PROKR1: variants seen among roughly 807,000 people sequenced by gnomAD.
The protein encoded by PROKR1 is G protein-coupled receptor 73.
Under a neutral mutation model 22.8 loss-of-function variants are expected in PROKR1, and 21 were observed. The ratio of observed to expected loss-of-function variants is 0.92; its 90% CI spans 0.65 to 1.32. PROKR1 has a LOEUF of 1.32. PROKR1 is among the 40% of genes most tolerant of loss of function. The probability of loss-of-function intolerance (pLI) is 0.00; values close to 1 mark genes in which losing one functional copy is unlikely to be tolerated. For synonymous variants in PROKR1, 193 were observed against 207.5 expected (o/e 0.93, Z 0.60); for missense variants, 548 against 514.2 (o/e 1.07, Z -0.64).
Position 68,645,968 on chromosome 2 carries a change from T to C in PROKR1, c.147T>C (p.Asp49=), listed in dbSNP as rs141297732. The C allele has an allele frequency of 3.5e-5, 57 of 1,614,118 alleles. No individual in the cohort carries two copies. In the African/African-American group the frequency reaches 6.0e-4, roughly 17 times the overall value. The change falls in exon 2 of 3, where the codon GAT becomes GAC. Residue 49 remains aspartate, a synonymous_variant. Coordinates refer to ENST00000303786, the MANE Select transcript of PROKR1 (RefSeq NM_138964.4). ...YSDYDMPLDE[D]EDVTNSRTFF... is the part of the protein sequence containing the mutation. ...ACTATGATATGCCTTTGGATGAAGA[T>C]GAGGATGTGACCAATTCCAGGACGT...
intron 2 of PROKR1, among the ~76,000 whole-genome samples, chr2:68,653,145 C>T (rs564237123): frequency 3.9e-5 from 6 of 152,284 alleles, no homozygotes; most frequent in African/African-American, 9.6e-5. Flanking sequence ...TCAGGAGCAC[C>T]GCGATCTTAA....
Position 68,655,373 on chromosome 2 carries a change from G to A in PROKR1, c.979G>A (p.Val327Ile), listed in dbSNP as rs754117272. The A allele has an allele frequency of 1.2e-6, 2 of 1,614,142 alleles. No individual in the cohort carries two copies. Among genetic ancestry groups the A allele is most frequent in the Middle Eastern group, 1.7e-4 (1 of 6,060 alleles). The change falls in exon 3 of 3, where the codon GTC becomes ATC. Residue 327 changes from valine to isoleucine, a missense_variant. Coordinates refer to ENST00000303786, the MANE Select transcript of PROKR1 (RefSeq NM_138964.4). ...GCACTACCTCACTGCCTTCTACATC[G>A]TCGAGTGCATCGCCATGAGCAACAG... is the stretch of plus-strand genomic sequence containing the variant. ...EKHYLTAFYI[V>I]ECIAMSNSMI...
rs573665422 is a variant in PROKR1, at chr2:68,656,985, A to C, written c.*1409A>C. ...TCAGTGACCCCATAGGTTGTTGAAG[A>C]CTCATCCCACTTTCTAACCTGCCTC... On this transcript the variant is annotated 3_prime_UTR_variant, in exon 3 of 3. Coordinates refer to ENST00000303786, the MANE Select transcript of PROKR1 (RefSeq NM_138964.4). The C allele has an allele frequency of 1.3e-5, 2 of 152,234 alleles. No individual in the cohort carries two copies. Among genetic ancestry groups the C allele is most frequent in the East Asian group, 1.9e-4 (1 of 5,176 alleles). The allele number at this position is 152,234 out of a possible 1,614,324, so 9.4% of individuals were successfully genotyped here. A position where few individuals can be genotyped will look rare whatever the true frequency, so the allele number is the denominator to read the frequency against.
At chr2:68,650,865 A>G (rs1416370034) in intron 2 of PROKR1, among the ~76,000 whole-genome samples, 2 of 152,184 alleles carry the variant, frequency 1.3e-5, no homozygotes, top group African/African-American at 4.8e-5. Flanking sequence ...AGATCAACAA[A>G]GGAGAGGAAA....
rs187537513 is a variant in PROKR1, at chr2:68,647,667, C to T, written c.485+1361C>T. Among the ~76,000 whole-genome samples the T allele has an allele frequency of 4.0e-3, 605 of 149,524 alleles. 1 individual carries two copies. Among genetic ancestry groups the T allele is most frequent in the Admixed American group, 6.7e-3 (103 of 15,284 alleles). On this transcript the variant is annotated intron_variant, in intron 2 of 2. Coordinates refer to ENST00000303786, the MANE Select transcript of PROKR1 (RefSeq NM_138964.4). ...CAAGGAACCTCTGTCTATAAAACCGCTGAGGGGTGGAAACTCTGCCTCCCT... is the reference window on the plus strand; with the variant it reads ...CAAGGAACCTCTGTCTATAAAACCGTTGAGGGGTGGAAACTCTGCCTCCCT...
Position 68,655,078 on chromosome 2 carries a change from C to T in PROKR1, c.684C>T (p.Tyr228=). Residue 228 remains tyrosine, a synonymous_variant, in exon 3 of 3, where the codon TAC becomes TAT. Coordinates refer to ENST00000303786, the MANE Select transcript of PROKR1 (RefSeq NM_138964.4). ...TCTGGCCTGTGGACCAGCAGCTCTA[C>T]TACAAGTCCTACTTCCTCTTTATCT... ...GQIWPVDQQL[Y]YKSYFLFIFG... is the part of the protein sequence containing the mutation. The T allele has an allele frequency of 6.2e-7, 1 of 1,614,104 alleles. No homozygotes were observed.
Position 68,657,650 on chromosome 2 carries a change from G to C in PROKR1, c.*2074G>C, listed in dbSNP as rs1207159170. On this transcript the variant is annotated 3_prime_UTR_variant, in exon 3 of 3. Coordinates refer to ENST00000303786, the MANE Select transcript of PROKR1 (RefSeq NM_138964.4). ...AGTGTGTAGGCTACAGCGTGGACTT[G>C]TCTTTTTCTTATTTAACTCTAGAGC... is the stretch of plus-strand genomic sequence containing the variant. The C allele has an allele frequency of 6.6e-6, 1 of 151,356 alleles. No homozygotes were observed. Among genetic ancestry groups the C allele is most frequent in the Non-Finnish European group, 1.5e-5 (1 of 67,964 alleles). The allele number at this position is 151,356 out of a possible 1,614,324, so 9.4% of individuals were successfully genotyped here.
At chr2:68,654,302 C>T (rs1206945457) in intron 2 of PROKR1, among the ~76,000 whole-genome samples, 1 of 152,170 alleles carries the variant, frequency 6.6e-6, no homozygotes, top group Non-Finnish European at 1.5e-5. Context: ...TAATTGTTAT[C>T]ATTTTGAGTA....
chr2:68,647,106 G>A (rs1673203339), intron 2 of PROKR1, among the ~76,000 whole-genome samples: 1 of 151,372 alleles, frequency 6.6e-6, no homozygotes, highest in Admixed American at 6.6e-5. Context: ...TGAAAAAAAA[G>A]GGAACATATG....
chr2:68,644,860 TATGTG>T (rs1316604322), intron 1 of PROKR1, among the ~76,000 whole-genome samples: 1 of 151,986 alleles, frequency 6.6e-6, no homozygotes, highest in African/African-American at 2.4e-5. Context: ...CCAGCCCCAT[TATGTG>T]GTGTGGTGGA....
chr2:68,655,124 C>G lies in PROKR1; in HGVS notation c.730C>G (p.Pro244Ala). Residue 244 changes from proline (P) to alanine (A), a missense_variant, in exon 3 of 3, where the codon CCC becomes GCC. Pro to Ala is a conservative substitution (Grantham distance 27). Transcript: ENST00000303786. The stretch of plus-strand genomic sequence containing the variant: ...TATCTTTGGCATAGAATTCGTGGGC[C>G]CCGTGGTCACCATGACCCTGTGCTA... The part of the protein sequence containing the change: ...LFIFGIEFVG[P>A]VVTMTLCYAR... 6.2e-7 allele frequency: 1 copy of G among 1,614,186 alleles called. No homozygotes were observed. Among genetic ancestry groups the G allele is most frequent in the South Asian group, 1.1e-5 (1 of 91,086 alleles).
chr2:68,652,084 G>A (rs774505144), intron 2 of PROKR1, among the ~76,000 whole-genome samples: 3 of 152,168 alleles, frequency 2.0e-5, no homozygotes, highest in African/African-American at 4.8e-5. Context: ...GGGGTAAATA[G>A]CATTCAGAGA....
chr2:68,654,822 A>AC, intron 2 of PROKR1, 58 bp from the exon 3 acceptor site: 1 of 1,479,496 alleles, frequency 6.8e-7, no homozygotes, highest in East Asian at 2.3e-5. Context: ...AAAAAAAAAA[A>AC]AGATTATCCA....
In PROKR1 at chr2:68,655,283, TG is replaced by T; in HGVS notation, c.892del (p.Ala298ArgfsTer18). Reference protein sequence around the residue: ...MCILTAYVLCWAPFYGFTIVR... With the variant: ...MCILTAYVLCXAPFYGFTIVR... ...CATCCTCACCGCCTACGTGCTATGC[TG>T]GGCGCCCTTCTACGGCTTCACCATC... On this transcript the variant is annotated frameshift_variant, in exon 3 of 3. Transcript: ENST00000303786. LOFTEE classifies it high-confidence loss of function. 2 of 1,614,280 alleles carry T rather than the reference TG, an allele frequency of 1.2e-6. No homozygotes were observed. The highest frequency in any genetic ancestry group is 1.7e-6 in the Non-Finnish European group (2 of 1,180,054).
At position 68,656,889 on chromosome 2, in the gene PROKR1, C is replaced by A. The variant is rs1028641516; in HGVS notation, c.*1313C>A. 6.6e-6 allele frequency: 1 copy of A among 152,308 alleles called. No homozygotes were observed. The highest frequency in any genetic ancestry group is 2.4e-5 in the African/African-American group (1 of 41,456). 9.4% of individuals were successfully genotyped at this position (152,308 alleles called of 1,614,324 possible). On this transcript the variant is annotated 3_prime_UTR_variant, in exon 3 of 3. Transcript: ENST00000303786. ...GGCAGGGGATGCAGGTCAGATGCAT[C>A]TTCCAGAAGTCTGGGCACCCAGGAA...
Position 68,655,179 on chromosome 2 carries a change from A to G in PROKR1, c.785A>G (p.Lys262Arg). 6.2e-7 allele frequency: 1 copy of G among 1,614,234 alleles called. No individual in the cohort carries two copies. Among genetic ancestry groups the G allele is most frequent in the Non-Finnish European group, 8.5e-7 (1 of 1,180,042 alleles). Reference sequence around the variant, plus strand: ...AGGATCTCCCGGGAGCTCTGGTTCAAGGCGGTCCCTGGATTCCAGACAGAG... The same window carrying G: ...AGGATCTCCCGGGAGCTCTGGTTCAGGGCGGTCCCTGGATTCCAGACAGAG... Reference protein sequence around the residue: ...YARISRELWFKAVPGFQTEQI... With the variant: ...YARISRELWFRAVPGFQTEQI... Residue 262 changes from lysine (K) to arginine (R), a missense_variant, in exon 3 of 3, where the codon AAG becomes AGG. By Grantham distance (26) the Lys-to-Arg change is conservative. Coordinates refer to ENST00000303786, the MANE Select transcript of PROKR1 (RefSeq NM_138964.4).
At chr2:68,650,283 A>G (rs1673286817) in intron 2 of PROKR1, among the ~76,000 whole-genome samples, 1 of 152,192 alleles carries the variant, frequency 6.6e-6, no homozygotes, top group Non-Finnish European at 1.5e-5. Flanking sequence ...CTGTTCTTCC[A>G]AACTTTTATT....
At chr2:68,649,538 A>C (rs1294227084) in intron 2 of PROKR1, 1 of 152,250 alleles carries the variant, frequency 6.6e-6, no homozygotes, top group Admixed American at 6.5e-5. Context: ...TAAGACAAAA[A>C]AAACTCCTTG....
At chr2:68,645,115 T>G (rs1001643972) in intron 1 of PROKR1, among the ~76,000 whole-genome samples, 7 of 152,196 alleles carry the variant, frequency 4.6e-5, no homozygotes, top group African/African-American at 7.2e-5. Context: ...TCTCATCACT[T>G]GGTTAGTCAC....
Sources: allele counts gnomAD v4.1 joint callset (sites outside exome capture counted in the v4.1 genomes callset), GRCh38; gene constraint gnomAD v4.1.1; transcripts MANE v1.5; gene names NCBI Gene and HGNC (gene_info 2026-07-23, HGNC 2026-07-21).